ATP10A: variants seen among roughly 807,000 people sequenced by gnomAD.
The protein encoded by ATP10A is ATPase phospholipid transporting 10A (putative).
Under a neutral mutation model 147.8 loss-of-function variants are expected in ATP10A, and 111 were observed. The ratio of observed to expected loss-of-function variants is 0.75; its 90% CI spans 0.64 to 0.88. The LOEUF (loss-of-function observed/expected upper bound fraction) is 0.88. Ranked by LOEUF, ATP10A falls within the 40% of genes least tolerant of loss-of-function variation. The probability of loss-of-function intolerance (pLI) is 0.00; values close to 1 mark genes in which losing one functional copy is unlikely to be tolerated. For synonymous variants in ATP10A, 875 were observed against 841.6 expected (o/e 1.04, Z -0.69); for missense variants, 1,927 against 1,959.0 (o/e 0.98, Z 0.31).
intron 2 of ATP10A, among the ~76,000 whole-genome samples, chr15:25,739,885 C>CA (rs1291375074): frequency 3.9e-5 from 6 of 152,196 alleles, no homozygotes; most frequent in African/African-American, 7.2e-5. Flanking sequence ...GAGAGCCCTC[C>CA]AGCCCTGCCC....
intron 1 of ATP10A, among the ~76,000 whole-genome samples, chr15:25,815,564 A>C (rs1891615822): frequency 6.6e-6 from 1 of 152,296 alleles, no homozygotes; most frequent in African/African-American, 2.4e-5. Context: ...GATGTTCTGC[A>C]AGTTGCAGAA....
chr15:25,695,234 T>C (rs1794349831), intron 13 of ATP10A, 88 bp from the exon 14 acceptor site: 1 of 1,296,696 alleles, frequency 7.7e-7, no homozygotes, highest in Admixed American at 2.3e-5. Flanking sequence ...GGAGCTGACA[T>C]CCTTCCGGGC....
chr15:25,862,583 A>G lies in ATP10A; in HGVS notation c.449+65T>C, dbSNP rs990984365. The G allele has an allele frequency of 2.8e-5, 41 of 1,438,896 alleles. No individual in the cohort carries two copies. In the Admixed American group the frequency reaches 4.3e-4, roughly 15 times the overall value. The allele number at this position is 1,438,896 out of a possible 1,614,324, so 89.1% of individuals were successfully genotyped here. A position where few individuals can be genotyped will look rare whatever the true frequency, so the allele number is the denominator to read the frequency against. The stretch of plus-strand genomic sequence containing the variant: ...GCCCCTGCCAATCACTGTGCCCAAC[A>G]CCAAGTTCCCGGGGCGCCCTGCCCT... On this transcript the variant is annotated intron_variant, in intron 1 of 20. Coordinates refer to ENST00000555815, the MANE Select transcript of ATP10A (RefSeq NM_024490.4).
intron 1 of ATP10A, chr15:25,841,412 T>G (rs1358823529): frequency 6.6e-6 from 1 of 152,146 alleles, no homozygotes; most frequent in African/African-American, 2.4e-5. Context: ...GGTTCTTCAC[T>G]CTGGTTCATT....
At chr15:25,707,947 C>G in intron 12 of ATP10A, 29 bp downstream of exon 12, 1 of 1,612,366 alleles carries the variant, frequency 6.2e-7, no homozygotes, top group Non-Finnish European at 8.5e-7. Context: ...CCACACTGCC[C>G]TTAGGCATGC....
chr15:25,844,611 A>G (rs1327977872), intron 1 of ATP10A, among the ~76,000 whole-genome samples: 3 of 152,168 alleles, frequency 2.0e-5, no homozygotes, highest in African/African-American at 4.8e-5. Context: ...GCAGCCCCCC[A>G]ACCTGATCCT....
intron 2 of ATP10A, among the ~76,000 whole-genome samples, chr15:25,764,527 C>G (rs1434326681): frequency 6.6e-6 from 1 of 152,226 alleles, no homozygotes; most frequent in Non-Finnish European, 1.5e-5. Flanking sequence ...CTCTCTCTCT[C>G]TCCACCATGT....
chr15:25,827,209 A>G (rs1892154560), intron 1 of ATP10A, among the ~76,000 whole-genome samples: 1 of 152,212 alleles, frequency 6.6e-6, no homozygotes, highest in Non-Finnish European at 1.5e-5. Flanking sequence ...GGACATTCCC[A>G]GATAAACAAA....
intron 1 of ATP10A, among the ~76,000 whole-genome samples, chr15:25,793,658 C>T (rs777413521): frequency 2.6e-5 from 4 of 152,248 alleles, no homozygotes; most frequent in Admixed American, 2.0e-4. Context: ...GCATAGCATG[C>T]TTGGGTCAGC....
chr15:25,823,380 C>T (rs1237661787), intron 1 of ATP10A, among the ~76,000 whole-genome samples: 1 of 152,166 alleles, frequency 6.6e-6, no homozygotes, highest in Non-Finnish European at 1.5e-5. Context: ...TTATATTACA[C>T]CCATTTAATA....
At chr15:25,807,823 AG>A (rs1166820049) in intron 1 of ATP10A, among the ~76,000 whole-genome samples, 1 of 101,548 alleles carries the variant, frequency 9.8e-6, no homozygotes, top group East Asian at 5.5e-4. Context: ...AAAAAGAAAA[AG>A]AAAAAAAAAA....
intron 2 of ATP10A, among the ~76,000 whole-genome samples, chr15:25,752,188 T>C: frequency 6.6e-6 from 1 of 152,158 alleles, no homozygotes; most frequent in Non-Finnish European, 1.5e-5. Flanking sequence ...TGAAATCAGT[T>C]TGCCAAAGAG....
At chr15:25,787,842 A>T (rs8038019) in intron 1 of ATP10A, among the ~76,000 whole-genome samples, 1 of 151,714 alleles carries the variant, frequency 6.6e-6, no homozygotes, top group African/African-American at 2.4e-5. Context: ...TGCCCCCTAC[A>T]TCGGCCTGCA....
At chr15:25,753,542 G>C (rs1326369664) in intron 2 of ATP10A, among the ~76,000 whole-genome samples, 1 of 150,248 alleles carries the variant, frequency 6.7e-6, no homozygotes, top group African/African-American at 2.5e-5. Flanking sequence ...ACAGGAAAAG[G>C]CACCCCTAAC....
chr15:25,821,258 A>G (rs1476196216), intron 1 of ATP10A, among the ~76,000 whole-genome samples: 1 of 152,120 alleles, frequency 6.6e-6, no homozygotes, highest in East Asian at 1.9e-4. Flanking sequence ...GTGTCATGGC[A>G]TGAGCCTGTG....
At chr15:25,743,285 T>A (rs1389171160) in intron 2 of ATP10A, among the ~76,000 whole-genome samples, 1 of 152,160 alleles carries the variant, frequency 6.6e-6, no homozygotes, top group African/African-American at 2.4e-5. Flanking sequence ...AACAGAAATG[T>A]GAAATTCTAA....
chr15:25,839,550 T>C (rs2140887630), intron 1 of ATP10A, among the ~76,000 whole-genome samples: 1 of 152,274 alleles, frequency 6.6e-6, no homozygotes, highest in Non-Finnish European at 1.5e-5. Context: ...GGCGGCAGGC[T>C]CGTCCTCTCT....
At chr15:25,770,158 G>A (rs1889258943) in intron 2 of ATP10A, among the ~76,000 whole-genome samples, 1 of 151,010 alleles carries the variant, frequency 6.6e-6, no homozygotes, top group African/African-American at 2.5e-5. Flanking sequence ...CCCGGGCGAG[G>A]TGGGGAGGGG....
chr15:25,761,417 A>G (rs1888751529), intron 2 of ATP10A, among the ~76,000 whole-genome samples: 1 of 152,270 alleles, frequency 6.6e-6, no homozygotes, highest in Non-Finnish European at 1.5e-5. Flanking sequence ...AGCTGTGAGA[A>G]GAGGGCCACC....
Sources: gnomAD v4.1 joint callset for allele counts (sites outside exome capture counted in the v4.1 genomes callset) on GRCh38, gnomAD v4.1.1 for gene constraint, MANE v1.5 for transcripts, NCBI Gene and HGNC (gene_info 2026-07-23, HGNC 2026-07-21) for gene names.